CRADD: variants seen among roughly 807,000 people sequenced by gnomAD.
CRADD encodes CARD and death domain containing adaptor protein, also known as death domain-containing protein CRADD.
A neutral mutation model predicts 15.5 loss-of-function variants in CRADD; 9 were observed. The ratio of observed to expected loss-of-function variants is 0.58; its 90% CI spans 0.35 to 1.01. The LOEUF (loss-of-function observed/expected upper bound fraction) is 1.01, where lower values mean the gene tolerates loss of function less well. CRADD is among the 50% of genes least tolerant of loss of function. CRADD has a pLI of 0.02. For missense variants in CRADD, 227 were observed against 250.3 expected (o/e 0.91, Z 0.63); for synonymous variants, 118 against 107.6 (o/e 1.10, Z -0.60).
intron 2 of CRADD, among the ~76,000 whole-genome samples, chr12:93,689,158 C>G (rs535574087): frequency 6.6e-5 from 10 of 152,134 alleles, no homozygotes; most frequent in Non-Finnish European, 1.3e-4. Flanking sequence ...GTGTTGGCTC[C>G]CCTGATACTG....
intron 2 of CRADD, among the ~76,000 whole-genome samples, chr12:93,739,058 T>C (rs1180205595): frequency 6.6e-6 from 1 of 152,144 alleles, no homozygotes; most frequent in African/African-American, 2.4e-5. Flanking sequence ...TTATTTTTTT[T>C]CCCCTTCTCC....
intron 2 of CRADD, among the ~76,000 whole-genome samples, chr12:93,683,846 C>T (rs761727291): frequency 6.6e-6 from 1 of 152,258 alleles, no homozygotes; most frequent in Non-Finnish European, 1.5e-5. Context: ...TTCCTCCAAT[C>T]ATACCACGTA....
At chr12:93,789,318 C>G (rs1028847316) in intron 2 of CRADD, among the ~76,000 whole-genome samples, 1 of 152,132 alleles carries the variant, frequency 6.6e-6, no homozygotes, top group East Asian at 1.9e-4. Context: ...GTGGTCCATC[C>G]ACTTTTCCTG....
At chr12:93,806,050 T>C (rs923920716) in intron 2 of CRADD, among the ~76,000 whole-genome samples, 1 of 152,082 alleles carries the variant, frequency 6.6e-6, no homozygotes, top group African/African-American at 2.4e-5. Flanking sequence ...GCAGATTAGG[T>C]ATTTCAATAT....
At chr12:93,750,690 C>A (rs1291331702) in intron 2 of CRADD, among the ~76,000 whole-genome samples, 1 of 152,040 alleles carries the variant, frequency 6.6e-6, no homozygotes, top group South Asian at 2.1e-4. Flanking sequence ...TTGCCATGCT[C>A]ACTATATATT....
At chr12:93,858,097 A>G (rs748897434) in intron 2 of CRADD, among the ~76,000 whole-genome samples, 1 of 152,174 alleles carries the variant, frequency 6.6e-6, no homozygotes, top group African/African-American at 2.4e-5. Context: ...TCTATTGTCA[A>G]GAGCTCTTTT....
At chr12:93,808,356 T>C (rs949774951) in intron 2 of CRADD, among the ~76,000 whole-genome samples, 1 of 152,120 alleles carries the variant, frequency 6.6e-6, no homozygotes, top group Non-Finnish European at 1.5e-5. Context: ...AAGGAGAGCC[T>C]GTGCAGGGGA....
intron 2 of CRADD, among the ~76,000 whole-genome samples, chr12:93,721,674 G>A (rs759939400): frequency 3.9e-5 from 6 of 152,118 alleles, no homozygotes; most frequent in Non-Finnish European, 5.9e-5. Flanking sequence ...ATGATTTAAA[G>A]TACATAAGAT....
chr12:93,823,027 G>C (rs1957785222), intron 2 of CRADD, among the ~76,000 whole-genome samples: 3 of 152,196 alleles, frequency 2.0e-5, no homozygotes, highest in Admixed American at 2.0e-4. Flanking sequence ...GGGCACGGTG[G>C]CTCATGCCTG....
chr12:93,739,870 G>C (rs541295867), intron 2 of CRADD, among the ~76,000 whole-genome samples: 29 of 152,188 alleles, frequency 1.9e-4, no homozygotes, highest in Admixed American at 1.9e-3. Flanking sequence ...TTCTGCTTTT[G>C]ATTTATTGTA....
chr12:93,726,614 A>G (rs1167873513), intron 2 of CRADD, among the ~76,000 whole-genome samples: 4 of 152,208 alleles, frequency 2.6e-5, no homozygotes, highest in Admixed American at 6.5e-5. Flanking sequence ...AGATATATAC[A>G]TACATACATT....
At chr12:93,741,141 A>G (rs992781579) in intron 2 of CRADD, among the ~76,000 whole-genome samples, 3 of 152,198 alleles carry the variant, frequency 2.0e-5, no homozygotes, top group African/African-American at 7.2e-5. Context: ...TAGAACAGAA[A>G]TATTTAGGGC....
chr12:93,737,153 G>A (rs1956584951), intron 2 of CRADD, among the ~76,000 whole-genome samples: 1 of 152,190 alleles, frequency 6.6e-6, no homozygotes, highest in African/African-American at 2.4e-5. Context: ...AGGTTGCAGA[G>A]GGAATAGTAT....
At chr12:93,696,206 C>G (rs1454251825) in intron 2 of CRADD, among the ~76,000 whole-genome samples, 1 of 152,098 alleles carries the variant, frequency 6.6e-6, no homozygotes, top group Non-Finnish European at 1.5e-5. Context: ...TAAAATAGAA[C>G]TCTGTGTCTT....
chr12:93,769,113 C>T (rs1565906834), intron 2 of CRADD, among the ~76,000 whole-genome samples: 1 of 151,434 alleles, frequency 6.6e-6, no homozygotes, highest in African/African-American at 2.4e-5. Flanking sequence ...CAGGGTCTTA[C>T]TCTGTTGCCA....
intron 2 of CRADD, among the ~76,000 whole-genome samples, chr12:93,841,288 C>T (rs1393976759): frequency 6.6e-6 from 1 of 151,944 alleles, no homozygotes; most frequent in Non-Finnish European, 1.5e-5. Flanking sequence ...ATAATTTTTC[C>T]TCTTCTTGTA....
intron 2 of CRADD, among the ~76,000 whole-genome samples, chr12:93,709,890 G>A (rs1177586223): frequency 6.6e-6 from 1 of 152,198 alleles, no homozygotes; most frequent in Non-Finnish European, 1.5e-5. Context: ...ACTGGTGGCA[G>A]TTATTGGAGA....
At chr12:93,802,057 G>T (rs1377467124) in intron 2 of CRADD, among the ~76,000 whole-genome samples, 1 of 152,126 alleles carries the variant, frequency 6.6e-6, no homozygotes, top group Non-Finnish European at 1.5e-5. Context: ...GTATTCCATG[G>T]CATATATACA....
At chr12:93,749,567 T>C (rs1956807772) in intron 2 of CRADD, among the ~76,000 whole-genome samples, 2 of 152,202 alleles carry the variant, frequency 1.3e-5, no homozygotes, top group African/African-American at 4.8e-5. Context: ...AACTCACTTA[T>C]AAATAATTTT....
Sources: allele counts gnomAD v4.1 joint callset (sites outside exome capture counted in the v4.1 genomes callset), GRCh38; gene constraint gnomAD v4.1.1; transcripts MANE v1.5; gene names NCBI Gene and HGNC (gene_info 2026-07-23, HGNC 2026-07-21).